The following RORA variants were observed in gnomAD, a reference collection of about 807,000 sequenced individuals.
RORA encodes nuclear receptor ROR-alpha.
A neutral mutation model predicts 69.5 loss-of-function variants in RORA; 7 were observed. The ratio of observed to expected loss-of-function variants is 0.10; its 90% CI spans 0.06 to 0.19. The LOEUF is 0.19. Ranked by LOEUF, RORA falls within the 10% of genes least tolerant of loss-of-function variation. The probability of loss-of-function intolerance (pLI) is 1.00; values close to 1 mark genes in which losing one functional copy is unlikely to be tolerated. For missense variants in RORA, 457 were observed against 663.0 expected, an observed-to-expected ratio of 0.69 and a Z score of 3.41; for synonymous variants, 261 against 240.8, an observed-to-expected ratio of 1.08 and a Z score of -0.78.
chr15:60,769,693 A>G (rs2072044992), intron 1 of RORA, among the ~76,000 whole-genome samples: 1 of 151,904 alleles, frequency 6.6e-6, no homozygotes, highest in Non-Finnish European at 1.5e-5. Flanking sequence ...ATTTGGAATC[A>G]CCTCGGAAAA....
chr15:60,566,115 C>A lies in RORA; in HGVS notation c.197-34264G>T, dbSNP rs1040033298. 2.0e-5 allele frequency among the ~76,000 whole-genome samples: 3 copies of A among 152,076 alleles called. No individual in the cohort carries two copies. In the East Asian group the frequency reaches 5.8e-4, roughly 29 times the overall value. ...TTAATTGGTTAATGTCTATATAGCC[C>A]ACCTATACATAAATAAGCTTATGAT... On this transcript the variant is annotated intron_variant, in intron 2 of 10. Transcript: ENST00000335670.
At chr15:61,123,107 T>G (rs2140822572) in intron 1 of RORA, among the ~76,000 whole-genome samples, 1 of 152,250 alleles carries the variant, frequency 6.6e-6, no homozygotes, top group East Asian at 1.9e-4. Context: ...CAGGAACTTA[T>G]GATTGGAGGT....
chr15:60,504,018 G>T (rs1374087101), intron 6 of RORA, among the ~76,000 whole-genome samples: 6 of 152,100 alleles, frequency 3.9e-5, no homozygotes, highest in African/African-American at 1.2e-4. Flanking sequence ...GGCCAGGCTG[G>T]TCTTGAACTC....
At chr15:60,816,069 A>G (rs138661353) in intron 1 of RORA, among the ~76,000 whole-genome samples, 3,590 of 123,844 alleles carry the variant, frequency 0.029, 238 homozygotes, top group Non-Finnish European at 0.038. Context: ...TTTATATACT[A>G]TAAACAGTAT....
chr15:60,510,861 T>C (rs1017115507), intron 5 of RORA, among the ~76,000 whole-genome samples: 2 of 151,630 alleles, frequency 1.3e-5, no homozygotes, highest in African/African-American at 4.9e-5. Flanking sequence ...CAAGTTCAGT[T>C]TGTGGACTGC....
Position 60,950,934 on chromosome 15 carries a change from C to A in RORA, c.167-272248G>T, listed in dbSNP as rs1243920306. ...GAATTGAACTCAGCTCTGCACCAAG[C>A]GGACGTAATAGACATCTACAGAACT... On this transcript the variant is annotated intron_variant, in intron 1 of 10. Transcript: ENST00000335670. 2.7e-5 allele frequency among the ~76,000 whole-genome samples: 4 copies of A among 149,050 alleles called. No individual in the cohort carries two copies. In the South Asian group the frequency reaches 6.6e-4, roughly 25 times the overall value.
intron 4 of RORA, among the ~76,000 whole-genome samples, chr15:60,512,893 C>T (rs2065748182): frequency 6.6e-6 from 1 of 152,202 alleles, no homozygotes; most frequent in South Asian, 2.1e-4. Context: ...GGTCTGAATT[C>T]TTCCATGAAC....
chr15:61,120,360 T>C lies in RORA; in HGVS notation c.166+108693A>G, dbSNP rs74546195. Among the ~76,000 whole-genome samples the C allele has an allele frequency of 0.011, 1,696 of 151,236 alleles. 53 individuals are homozygous for C. In the East Asian group the frequency reaches 0.12, roughly 11 times the overall value. ...GAAGACCATTGTTCCAAAGGTCTGA[T>C]ATGCAAGCAGAGCTGAAGACCATTG... On this transcript the variant is annotated intron_variant, in intron 1 of 10. Transcript: ENST00000335670.
intron 1 of RORA, among the ~76,000 whole-genome samples, chr15:60,815,175 C>T (rs2072792586): frequency 6.6e-6 from 1 of 152,132 alleles, no homozygotes. Flanking sequence ...AACCAATGCT[C>T]ATTTCTCTCA....
intron 1 of RORA, among the ~76,000 whole-genome samples, chr15:60,710,559 T>C (rs751386914): frequency 6.6e-6 from 1 of 152,206 alleles, no homozygotes; most frequent in Non-Finnish European, 1.5e-5. Context: ...AAGTCTTCAA[T>C]CAGAGTGCAG....
intron 1 of RORA, among the ~76,000 whole-genome samples, chr15:60,819,604 G>C (rs1035060410): frequency 6.6e-6 from 1 of 152,066 alleles, no homozygotes; most frequent in Admixed American, 6.6e-5. Flanking sequence ...GGCGCCCTTC[G>C]GAGGCTGGGG....
chr15:61,136,660 G>A (rs1596018487), intron 1 of RORA, among the ~76,000 whole-genome samples: 2 of 152,242 alleles, frequency 1.3e-5, no homozygotes. Flanking sequence ...CCTTCAGAAC[G>A]AAGGGTTTCA....
chr15:60,702,750 T>A (rs889817549), intron 1 of RORA, among the ~76,000 whole-genome samples: 8 of 152,196 alleles, frequency 5.3e-5, no homozygotes, highest in African/African-American at 1.9e-4. Context: ...TTCCTTAAGA[T>A]TACTGGCATG....
At chr15:60,826,116 CTGGATGGGGATGGAG>C (rs1457646098) in intron 1 of RORA, among the ~76,000 whole-genome samples, 1 of 152,178 alleles carries the variant, frequency 6.6e-6, no homozygotes, top group Non-Finnish European at 1.5e-5. Flanking sequence ...GAAAGGAACA[CTGGATGGGGATGGAG>C]TGGATCCCAG....
chr15:61,108,752 C>T (rs997644673), intron 1 of RORA, among the ~76,000 whole-genome samples: 1 of 152,194 alleles, frequency 6.6e-6, no homozygotes, highest in Non-Finnish European at 1.5e-5. Flanking sequence ...AGTGGTCATT[C>T]TGGAGACCTT....
At chr15:60,611,142 C>T (rs1179576302) in intron 2 of RORA, among the ~76,000 whole-genome samples, 1 of 152,084 alleles carries the variant, frequency 6.6e-6, no homozygotes, top group Non-Finnish European at 1.5e-5. Flanking sequence ...TATTGCCGCT[C>T]AATTATCTTC....
intron 1 of RORA, among the ~76,000 whole-genome samples, chr15:61,175,578 A>G (rs2079621321): frequency 7.1e-6 from 1 of 141,234 alleles, no homozygotes; most frequent in Non-Finnish European, 1.6e-5. Flanking sequence ...GCATGGTGGC[A>G]TGTGCCTGTG....
At chr15:60,589,418 AT>A (rs1447765827) in intron 2 of RORA, among the ~76,000 whole-genome samples, 1 of 152,184 alleles carries the variant, frequency 6.6e-6, no homozygotes, top group Non-Finnish European at 1.5e-5. Flanking sequence ...GAGCACTCAT[AT>A]GAAGCAAAGG....
chr15:60,916,333 T>C (rs753719837), intron 1 of RORA, among the ~76,000 whole-genome samples: 1 of 152,170 alleles, frequency 6.6e-6, no homozygotes, highest in African/African-American at 2.4e-5. Flanking sequence ...TCACAATGCA[T>C]TGGAAACAAG....
Sources: allele counts gnomAD v4.1 joint callset (sites outside exome capture counted in the v4.1 genomes callset), GRCh38; gene constraint gnomAD v4.1.1; transcripts MANE v1.5; gene names NCBI Gene and HGNC (gene_info 2026-07-23, HGNC 2026-07-21).